The following ATXN8OS variants were observed in gnomAD, a reference collection of about 807,000 sequenced individuals.
ATXN8OS encodes the protein ATXN8 opposite strand lncRNA, also known as ATXN8 opposite strand (non-protein coding).
At position 70,138,523 on chromosome 13, in the gene ATXN8OS, TTGAG is replaced by T. The variant is rs531967871; in HGVS notation, n.499+8642_499+8645del. On this transcript the variant is annotated intron_variant and non_coding_transcript_variant, in intron 3 of 4. Coordinates refer to ENST00000678624, the Ensembl canonical transcript of ATXN8OS. ...TATTTATTCATTCAGAAAATATTTA[TTGAG>T]TGTCTCAGTTCTAGGTGCTATAGAT... 9.1e-4 allele frequency among the ~76,000 whole-genome samples: 138 copies of T among 152,292 alleles called. 1 individual carries two copies. Among genetic ancestry groups the T allele is most frequent in the Non-Finnish European group, 1.4e-3 (98 of 68,004 alleles).
intron 2 of ATXN8OS, among the ~76,000 whole-genome samples, chr13:70,119,069 G>A (rs982034580): frequency 2.6e-5 from 4 of 151,978 alleles, no homozygotes; most frequent in Non-Finnish European, 5.9e-5. Context: ...GCAGTCAAGT[G>A]GACAGGGACA....
intron 2 of ATXN8OS, among the ~76,000 whole-genome samples, chr13:70,122,348 T>A (rs1302399202): frequency 6.6e-6 from 1 of 152,040 alleles, no homozygotes; most frequent in Non-Finnish European, 1.5e-5. Flanking sequence ...CAAAGTTTTC[T>A]AACACTAAAG....
intron 2 of ATXN8OS, among the ~76,000 whole-genome samples, chr13:70,123,338 C>T (rs10507780): frequency 6.6e-6 from 1 of 151,988 alleles, no homozygotes; most frequent in Non-Finnish European, 1.5e-5. Flanking sequence ...TAGTAAAGTA[C>T]AGCAAGATTT....
chr13:70,145,798 C>T (rs1464250134), intron 3 of ATXN8OS, among the ~76,000 whole-genome samples: 11 of 152,108 alleles, frequency 7.2e-5, no homozygotes, highest in African/African-American at 2.7e-4. Flanking sequence ...CATCTGCAAA[C>T]CATAAAAACC....
chr13:70,119,021 C>G (rs1334041550), intron 2 of ATXN8OS, among the ~76,000 whole-genome samples: 3 of 152,020 alleles, frequency 2.0e-5, no homozygotes, highest in Non-Finnish European at 4.4e-5. Flanking sequence ...ATAAATCAAT[C>G]AGTCAGTATT....
chr13:70,157,145 T>C (rs1244009461), intron 4 of ATXN8OS, among the ~76,000 whole-genome samples: 2 of 152,134 alleles, frequency 1.3e-5, no homozygotes, highest in Non-Finnish European at 2.9e-5. Context: ...TAAAGGCTCG[T>C]AACAACATTA....
At chr13:70,156,319 T>C (rs931048575) in intron 4 of ATXN8OS, among the ~76,000 whole-genome samples, 2 of 151,988 alleles carry the variant, frequency 1.3e-5, no homozygotes, top group African/African-American at 4.8e-5. Flanking sequence ...GTTCTGTGTT[T>C]CAAATTCTAG....
chr13:70,155,220 T>C (rs1173720882), intron 4 of ATXN8OS, among the ~76,000 whole-genome samples: 1 of 152,192 alleles, frequency 6.6e-6, no homozygotes, highest in Non-Finnish European at 1.5e-5. Context: ...GATCCAATCA[T>C]AGTTTCCTTG....
intron 4 of ATXN8OS, among the ~76,000 whole-genome samples, chr13:70,159,559 C>T (rs1464291516): frequency 6.6e-6 from 1 of 152,030 alleles, no homozygotes; most frequent in Admixed American, 6.6e-5. Flanking sequence ...CACGTGCATA[C>T]CATACAATTT....
intron 4 of ATXN8OS, among the ~76,000 whole-genome samples, chr13:70,155,662 C>T (rs988149512): frequency 2.0e-5 from 3 of 152,068 alleles, no homozygotes; most frequent in African/African-American, 4.8e-5. Context: ...TTTCAATCTT[C>T]GATTTTCATG....
At chr13:70,147,034 C>T (rs1258596715) in intron 3 of ATXN8OS, among the ~76,000 whole-genome samples, 1 of 151,998 alleles carries the variant, frequency 6.6e-6, no homozygotes, top group African/African-American at 2.4e-5. Context: ...TGTGTTTTTG[C>T]AAATGGGAAT....
intron 3 of ATXN8OS, among the ~76,000 whole-genome samples, chr13:70,140,765 CT>C (rs1351770127): frequency 1.3e-5 from 2 of 151,922 alleles, no homozygotes; most frequent in African/African-American, 4.8e-5. Flanking sequence ...TTAATGCCCC[CT>C]AACCCTGTTT....
At chr13:70,146,654 T>C (rs1169562971) in intron 3 of ATXN8OS, among the ~76,000 whole-genome samples, 1 of 150,136 alleles carries the variant, frequency 6.7e-6, no homozygotes, top group African/African-American at 2.5e-5. Flanking sequence ...CTCAGCAAAC[T>C]ATCACAAGGA....
chr13:70,159,102 C>T (rs1462934268), intron 4 of ATXN8OS, among the ~76,000 whole-genome samples: 1 of 151,812 alleles, frequency 6.6e-6, no homozygotes, highest in East Asian at 1.9e-4. Context: ...CTAGATAATA[C>T]TATAGTTCAA....
chr13:70,150,184 T>C (rs2137498394), intron 4 of ATXN8OS, among the ~76,000 whole-genome samples: 1 of 152,140 alleles, frequency 6.6e-6, no homozygotes. Context: ...TCATATTCAA[T>C]GAAGTTACTC....
rs78475237 is a variant in ATXN8OS, at chr13:70,160,348, G to A, written n.574-9405G>A. Reference sequence around the variant, plus strand: ...TTATAATGTGTAGAATCTAATATACGAGTGGCTTATATCAACAGAAATGTA... The same window carrying A: ...TTATAATGTGTAGAATCTAATATACAAGTGGCTTATATCAACAGAAATGTA... On this transcript the variant is annotated intron_variant and non_coding_transcript_variant, in intron 4 of 4. Coordinates refer to ENST00000678624, the Ensembl canonical transcript of ATXN8OS. 1.8e-4 allele frequency among the ~76,000 whole-genome samples: 27 copies of A among 151,470 alleles called. No individual in the cohort carries two copies. In the South Asian group the frequency reaches 4.0e-3, roughly 22 times the overall value.
chr13:70,131,571 C>T (rs1375676684), intron 3 of ATXN8OS: 4 of 397,908 alleles, frequency 1.0e-5, no homozygotes, highest in Non-Finnish European at 1.8e-5. Context: ...TTCTTTCCTC[C>T]ACATTAAATA....
chr13:70,131,187 A>G (rs1888528343), intron 3 of ATXN8OS: 1 of 398,368 alleles, frequency 2.5e-6, no homozygotes, highest in African/African-American at 2.1e-5. Flanking sequence ...ATAGAGAGTA[A>G]GAAGTATATC....
chr13:70,133,927 C>G (rs1857842508), intron 3 of ATXN8OS, among the ~76,000 whole-genome samples: 1 of 152,204 alleles, frequency 6.6e-6, no homozygotes. Flanking sequence ...TATAGAAAGT[C>G]AGTCATATCC....
Sources: allele counts gnomAD v4.1 joint callset (sites outside exome capture counted in the v4.1 genomes callset), GRCh38; gene constraint gnomAD v4.1.1; transcripts MANE v1.5; gene names NCBI Gene and HGNC (gene_info 2026-07-23, HGNC 2026-07-21).